Variants in MAGI1 observed in about 807,000 individuals in gnomAD.
MAGI1 encodes membrane associated guanylate kinase, WW and PDZ domain containing 1.
In MAGI1, 58 loss-of-function variants were observed where a neutral mutation model predicts 139.9. The observed-to-expected ratio is 0.41, with a 90% CI of 0.34 to 0.52. The LOEUF (loss-of-function observed/expected upper bound fraction) is 0.52. MAGI1 is among the 20% of genes least tolerant of loss of function. The probability of loss-of-function intolerance (pLI) is 0.12; values close to 1 mark genes in which losing one functional copy is unlikely to be tolerated. For synonymous variants in MAGI1, 812 were observed against 737.9 expected (o/e 1.10, Z -1.63); for missense variants, 1,874 against 1,901.6 (o/e 0.99, Z 0.27).
At chr3:65,491,226 C>T (rs1237042141) in intron 3 of MAGI1, among the ~76,000 whole-genome samples, 1 of 152,122 alleles carries the variant, frequency 6.6e-6, no homozygotes, top group Non-Finnish European at 1.5e-5. Flanking sequence ...CATTCTAGAA[C>T]TGGCTGTGCA....
chr3:65,638,347 T>C lies in MAGI1; in HGVS notation c.314-16259A>G, dbSNP rs548018351. On this transcript the variant is annotated intron_variant, in intron 1 of 22. Transcript: ENST00000402939. ...TCTCCAAGAAGGTAACAGAAAAGAA[T>C]TTTTTTTAAGATTCATGATTATGAC... Among the ~76,000 whole-genome samples, 3 of 152,076 alleles carry C rather than the reference T, an allele frequency of 2.0e-5. No homozygotes were observed. The South Asian group carries it at 6.2e-4, about 32-fold the overall frequency.
intron 6 of MAGI1, among the ~76,000 whole-genome samples, chr3:65,452,164 A>G (rs1949071621): frequency 6.6e-6 from 1 of 151,922 alleles, no homozygotes; most frequent in African/African-American, 2.4e-5. Context: ...CATCTTGGTC[A>G]TGCCTCCTAA....
intron 1 of MAGI1, among the ~76,000 whole-genome samples, chr3:65,983,419 A>C (rs2065694424): frequency 6.6e-6 from 1 of 152,144 alleles, no homozygotes; most frequent in Non-Finnish European, 1.5e-5. Context: ...ATGACTTTAA[A>C]ACCACTGGTG....
chr3:65,510,489 G>A (rs1235229327), intron 2 of MAGI1, among the ~76,000 whole-genome samples: 17 of 149,398 alleles, frequency 1.1e-4, no homozygotes, highest in Middle Eastern at 3.4e-3. Flanking sequence ...ACCAAGGCTC[G>A]AGAACTACGT....
chr3:65,595,657 C>T (rs566266370), intron 2 of MAGI1, among the ~76,000 whole-genome samples: 1 of 152,270 alleles, frequency 6.6e-6, no homozygotes, highest in East Asian at 1.9e-4. Context: ...GAATAACGGA[C>T]CGATTCCACG....
rs78131210 is a variant in MAGI1 at position 65,690,640 on chromosome 3, A to ATTTTT, written c.314-68557_314-68553dup. 1.1e-3 allele frequency among the ~76,000 whole-genome samples: 139 copies of ATTTTT among 130,482 alleles called. 2 individuals carry two copies. Among genetic ancestry groups the ATTTTT allele is most frequent in the African/African-American group, 2.4e-3 (81 of 34,198 alleles). 85.6% of individuals were successfully genotyped at this position (130,482 alleles called of 152,430 possible). A position where few individuals can be genotyped will look rare whatever the true frequency, so the allele number is the denominator to read the frequency against. On this transcript the variant is annotated intron_variant, in intron 1 of 22. Transcript: ENST00000402939. ...CATGCCCGGCTCATTTGTATTTTTA[A>ATTTTT]TTTTTTTTTTTTTTTTTTAAGTAGA...
intron 1 of MAGI1, among the ~76,000 whole-genome samples, chr3:65,734,559 AAGAGAGAGAGGGAG>A (rs1186008388): frequency 5.1e-5 from 7 of 138,282 alleles, no homozygotes; most frequent in Admixed American, 4.2e-4. Context: ...GAGAGAAAGA[AAGAGAGAGAGGGAG>A]AGAGAGAGAG....
intron 1 of MAGI1, among the ~76,000 whole-genome samples, chr3:65,882,517 T>C (rs969756196): frequency 1.3e-5 from 2 of 152,014 alleles, no homozygotes; most frequent in Admixed American, 6.6e-5. Context: ...GGAACCTCGG[T>C]TGACCATCCC....
intron 21 of MAGI1, among the ~76,000 whole-genome samples, chr3:65,363,034 G>A (rs1356392622): frequency 6.6e-6 from 1 of 151,866 alleles, no homozygotes; most frequent in Non-Finnish European, 1.5e-5. Context: ...TAAGACCACT[G>A]GTAACCAGCT....
chr3:65,805,379 C>G lies in MAGI1; in HGVS notation c.314-183291G>C, dbSNP rs192921157. Among the ~76,000 whole-genome samples the G allele has an allele frequency of 7.9e-5, 12 of 152,228 alleles. No individual in the cohort carries two copies. The East Asian group carries it at 2.3e-3, about 29-fold the overall frequency. On this transcript the variant is annotated intron_variant, in intron 1 of 22. Coordinates refer to ENST00000402939, the MANE Select transcript of MAGI1 (RefSeq NM_001033057.2). Reference sequence around the variant, plus strand: ...TCATTAGAGAAATGCAAATCAAAACCACAATGAAATACCATCTTATGCCAG... The same window carrying G: ...TCATTAGAGAAATGCAAATCAAAACGACAATGAAATACCATCTTATGCCAG...
At position 65,687,754 on chromosome 3, in the gene MAGI1, G is replaced by C. The variant is rs2088189279; in HGVS notation, c.314-65666C>G. 9.0e-6 allele frequency: 5 copies of C among 555,560 alleles called. No individual in the cohort carries two copies. In the Admixed American group the frequency reaches 9.6e-5, roughly 11 times the overall value. 34.4% of individuals were successfully genotyped at this position (555,560 alleles called of 1,614,324 possible). ...AAGCCTGAGAGCACAGGATCCTTCTGAAGTTTTGACCATGCCTACCATGCT... is the reference window on the plus strand; with the variant it reads ...AAGCCTGAGAGCACAGGATCCTTCTCAAGTTTTGACCATGCCTACCATGCT... On this transcript the variant is annotated intron_variant, in intron 1 of 22. Transcript: ENST00000402939.
At chr3:65,491,615 G>A (rs1464789168) in intron 3 of MAGI1, among the ~76,000 whole-genome samples, 2 of 152,056 alleles carry the variant, frequency 1.3e-5, no homozygotes, top group African/African-American at 4.8e-5. Context: ...AGTCACACAT[G>A]CTCTCCTCTT....
rs114053737 is a variant in MAGI1, at chr3:65,621,682, C to T, written c.430+290G>A. On this transcript the variant is annotated intron_variant, in intron 2 of 22. Transcript: ENST00000402939. ...CTTCTGTGCCTGATCTCATTGACTC[C>T]TCATAGCAGTTCCATGAAGCTAGTA... Among the ~76,000 whole-genome samples, 791 of 152,286 alleles carry T rather than the reference C, an allele frequency of 5.2e-3. 3 individuals are homozygous for T. The highest frequency in any genetic ancestry group is 7.8e-3 in the Non-Finnish European group (534 of 68,030).
chr3:65,962,812 G>A (rs1452529203), intron 1 of MAGI1, among the ~76,000 whole-genome samples: 3 of 134,314 alleles, frequency 2.2e-5, no homozygotes, highest in East Asian at 2.2e-4. Context: ...GCAACAGAGC[G>A]AGACTCTGTC....
At chr3:65,418,786 C>T (rs969347710) in intron 12 of MAGI1, among the ~76,000 whole-genome samples, 1 of 152,182 alleles carries the variant, frequency 6.6e-6, no homozygotes, top group Non-Finnish European at 1.5e-5. Context: ...TTACCCCAAT[C>T]CCTATCCCAC....
chr3:65,946,168 C>T (rs995780506), intron 1 of MAGI1, among the ~76,000 whole-genome samples: 1 of 152,306 alleles, frequency 6.6e-6, no homozygotes, highest in Admixed American at 6.5e-5. Flanking sequence ...GCACTTCCTG[C>T]CATTCCTGCA....
At chr3:65,871,210 TAC>T (rs2059927811) in intron 1 of MAGI1, among the ~76,000 whole-genome samples, 1 of 152,062 alleles carries the variant, frequency 6.6e-6, no homozygotes, top group Admixed American at 6.5e-5. Context: ...GTGCTGGGAT[TAC>T]AGACATGAGC....
chr3:65,829,007 T>G (rs1030681905), intron 1 of MAGI1, among the ~76,000 whole-genome samples: 1 of 152,174 alleles, frequency 6.6e-6, no homozygotes, highest in African/African-American at 2.4e-5. Context: ...CACAATGAGC[T>G]GATTTTGCCA....
intron 1 of MAGI1, among the ~76,000 whole-genome samples, chr3:65,998,881 A>G (rs2066596338): frequency 6.6e-6 from 1 of 152,002 alleles, no homozygotes; most frequent in Non-Finnish European, 1.5e-5. Flanking sequence ...TATTTCCATT[A>G]CTTGAAACAT....
Sources: gnomAD v4.1 joint callset for allele counts (sites outside exome capture counted in the v4.1 genomes callset) on GRCh38, gnomAD v4.1.1 for gene constraint, MANE v1.5 for transcripts, NCBI Gene and HGNC (gene_info 2026-07-23, HGNC 2026-07-21) for gene names.